The following SLC12A6 variants were observed in gnomAD, a reference collection of about 807,000 sequenced individuals.
SLC12A6 encodes the protein solute carrier family 12 member 6, also known as K-Cl cotransporter 3.
A neutral mutation model predicts 135.3 loss-of-function variants in SLC12A6; 66 were observed. The ratio of observed to expected loss-of-function variants is 0.49; its 90% CI spans 0.40 to 0.60. The LOEUF (loss-of-function observed/expected upper bound fraction) is 0.60, where lower values mean the gene tolerates loss of function less well. SLC12A6 is among the 20% of genes least tolerant of loss of function. SLC12A6 has a pLI of 0.00. For missense variants in SLC12A6, 1,058 were observed against 1,452.3 expected (o/e 0.73, Z 4.41); for synonymous variants, 513 against 508.8 (o/e 1.01, Z -0.11).
intron 2 of SLC12A6, among the ~76,000 whole-genome samples, chr15:34,293,270 T>G (rs113157174): frequency 0.012 from 1,815 of 152,280 alleles, 15 homozygotes; most frequent in Middle Eastern, 0.037. Flanking sequence ...ATTCTATCTA[T>G]TGCTGTCAGG....
At chr15:34,310,629 A>G (rs1595550428) in intron 2 of SLC12A6, among the ~76,000 whole-genome samples, 1 of 6,054 alleles carries the variant, frequency 1.7e-4, no homozygotes, top group Non-Finnish European at 2.7e-4. Context: ...CCTGGGCTCA[A>G]GTGTGTGTGT....
rs189043440 is a variant in SLC12A6, at chr15:34,306,545, A to G, written c.271+29865T>C. On this transcript the variant is annotated intron_variant, in intron 2 of 25. Transcript: ENST00000354181. ...AGTTCTCACACAGCCCATGGCCTCAATTGCACCAACTGTTCATCAGATCCA... is the reference window on the plus strand; with the variant it reads ...AGTTCTCACACAGCCCATGGCCTCAGTTGCACCAACTGTTCATCAGATCCA... 2.6e-5 allele frequency among the ~76,000 whole-genome samples: 4 copies of G among 152,302 alleles called. No homozygotes were observed. In the East Asian group the frequency reaches 7.7e-4, roughly 29 times the overall value.
chr15:34,297,519 G>A lies in SLC12A6; in HGVS notation c.272-22130C>T, dbSNP rs1895953951. On this transcript the variant is annotated intron_variant, in intron 2 of 25. Coordinates refer to ENST00000354181, the MANE Select transcript of SLC12A6 (RefSeq NM_001365088.1). ...AGCTCAGAGAAAGCTGAAATGATTTGCCCAAGGTGGTGTAGCCAATAAAGC... is the reference window on the plus strand; with the variant it reads ...AGCTCAGAGAAAGCTGAAATGATTTACCCAAGGTGGTGTAGCCAATAAAGC... Among the ~76,000 whole-genome samples the A allele has an allele frequency of 2.0e-5, 3 of 152,270 alleles. No homozygotes were observed. The South Asian group carries it at 6.2e-4, about 32-fold the overall frequency.
At chr15:34,291,556 GAAT>G (rs1223811543) in intron 2 of SLC12A6, among the ~76,000 whole-genome samples, 13 of 152,278 alleles carry the variant, frequency 8.5e-5, no homozygotes, top group African/African-American at 3.1e-4. Context: ...ATGTTCTCCT[GAAT>G]AATATCCTGA....
At chr15:34,311,338 T>C (rs1026116854) in intron 2 of SLC12A6, among the ~76,000 whole-genome samples, 42 of 152,234 alleles carry the variant, frequency 2.8e-4, no homozygotes, top group African/African-American at 9.1e-4. Flanking sequence ...AATACATATA[T>C]TTTTAGGCTA....
At chr15:34,259,751 C>T (rs1312272978) in intron 4 of SLC12A6, among the ~76,000 whole-genome samples, 1 of 152,178 alleles carries the variant, frequency 6.6e-6, no homozygotes, top group Non-Finnish European at 1.5e-5. Context: ...CTGGCCACAG[C>T]TTATGGAGCC....
intron 2 of SLC12A6, among the ~76,000 whole-genome samples, chr15:34,324,404 T>G (rs1410288957): frequency 6.6e-6 from 1 of 152,222 alleles, no homozygotes; most frequent in African/African-American, 2.4e-5. Flanking sequence ...AGGCCAAATC[T>G]TACACATATT....
chr15:34,286,410 T>C (rs1032372762), intron 2 of SLC12A6, among the ~76,000 whole-genome samples: 1 of 151,850 alleles, frequency 6.6e-6, no homozygotes, highest in Non-Finnish European at 1.5e-5. Context: ...TTTAAAAAAT[T>C]GTATTTGACT....
intron 23 of SLC12A6, 148 bp from the exon 24 acceptor site, chr15:34,236,347 C>G: frequency 1.4e-6 from 1 of 708,886 alleles, no homozygotes. Context: ...TAGTATCATC[C>G]CTTTTTTTTT....
rs533763471 is a variant in SLC12A6 at position 34,250,416 on chromosome 15, C to A, written c.1592-61G>T. On this transcript the variant is annotated intron_variant, in intron 12 of 25. Transcript: ENST00000354181. Reference sequence around the variant, plus strand: ...CCTCTAACATGAGATAGAAAGTAGACACTCAGTAGACACTTTCTTCTGTCA... The same window carrying A: ...CCTCTAACATGAGATAGAAAGTAGAAACTCAGTAGACACTTTCTTCTGTCA... 233 of 1,040,740 alleles carry A rather than the reference C, an allele frequency of 2.2e-4. 1 individual carries two copies. The Middle Eastern group carries it at 3.2e-3, about 14-fold the overall frequency. 64.5% of individuals were successfully genotyped at this position (1,040,740 alleles called of 1,614,324 possible).
At chr15:34,241,566 G>GGTCAA (rs1891645249) in intron 17 of SLC12A6, among the ~76,000 whole-genome samples, 1 of 151,798 alleles carries the variant, frequency 6.6e-6, no homozygotes, top group African/African-American at 2.4e-5. Flanking sequence ...AGCCTGAAGG[G>GGTCAA]GTCACTCATT....
intron 2 of SLC12A6, among the ~76,000 whole-genome samples, chr15:34,281,279 T>C (rs1050575113): frequency 1.3e-5 from 2 of 152,254 alleles, no homozygotes; most frequent in Admixed American, 1.3e-4. Context: ...TATACTTTAA[T>C]AGGTATTGAA....
chr15:34,284,282 T>TC (rs201399744), intron 2 of SLC12A6, among the ~76,000 whole-genome samples: 3,479 of 132,604 alleles, frequency 0.026, 153 homozygotes, highest in African/African-American at 0.095. Flanking sequence ...CTTTTCTTTT[T>TC]TTTTTTTTTT....
rs556205084 is a variant in SLC12A6 at position 34,297,864 on chromosome 15, T to C, written c.272-22475A>G. Reference sequence around the variant, plus strand: ...AAGTCTAAAAATGAAAGCAGTATTTTAGGCAAGGAAACATGAGTACAAAAA... The same window carrying C: ...AAGTCTAAAAATGAAAGCAGTATTTCAGGCAAGGAAACATGAGTACAAAAA... On this transcript the variant is annotated intron_variant, in intron 2 of 25. Coordinates refer to ENST00000354181, the MANE Select transcript of SLC12A6 (RefSeq NM_001365088.1). Among the ~76,000 whole-genome samples, 254 of 152,282 alleles carry C rather than the reference T, an allele frequency of 1.7e-3. 3 individuals are homozygous for C. Among genetic ancestry groups the C allele is most frequent in the African/African-American group, 5.8e-3 (240 of 41,542 alleles).
At chr15:34,263,386 G>A (rs750404079) in intron 3 of SLC12A6, among the ~76,000 whole-genome samples, 7 of 152,184 alleles carry the variant, frequency 4.6e-5, no homozygotes, top group Non-Finnish European at 7.3e-5. Flanking sequence ...ACTCCAGCCT[G>A]GGCAACAGGG....
At chr15:34,332,719 G>C (rs984872472) in intron 2 of SLC12A6, among the ~76,000 whole-genome samples, 7 of 151,702 alleles carry the variant, frequency 4.6e-5, no homozygotes, top group Non-Finnish European at 8.8e-5. Flanking sequence ...GGAGGTGGAG[G>C]TTGCAGTGAG....
chr15:34,257,905 G>A (rs1472308031), intron 5 of SLC12A6, 117 bp from the exon 6 acceptor site: 9 of 708,032 alleles, frequency 1.3e-5, no homozygotes, highest in African/African-American at 1.1e-4. Context: ...GAAATCATAA[G>A]TTTAATCAAT....
At chr15:34,314,886 G>A (rs1009077841) in intron 2 of SLC12A6, 1 of 152,080 alleles carries the variant, frequency 6.6e-6, no homozygotes, top group African/African-American at 2.4e-5. Context: ...TAGCCCTCAT[G>A]GATGACTTTC....
At chr15:34,328,696 T>C (rs1889637242) in intron 2 of SLC12A6, among the ~76,000 whole-genome samples, 2 of 152,080 alleles carry the variant, frequency 1.3e-5, no homozygotes, top group South Asian at 4.1e-4. Flanking sequence ...CTGAGCAACA[T>C]GGCAAAACCC....
Sources: allele counts gnomAD v4.1 joint callset (sites outside exome capture counted in the v4.1 genomes callset), GRCh38; gene constraint gnomAD v4.1.1; transcripts MANE v1.5; gene names NCBI Gene and HGNC (gene_info 2026-07-23, HGNC 2026-07-21).